The following MYOM1 variants were observed in gnomAD, a reference collection of about 807,000 sequenced individuals.
MYOM1 encodes the protein myomesin-1.
MYOM1 carries 164 observed loss-of-function variants against 205.3 expected under a neutral mutation model. The observed-to-expected ratio is 0.80, with a 90% CI of 0.70 to 0.91. MYOM1 has a LOEUF of 0.91. MYOM1 is among the 40% of genes least tolerant of loss of function. The pLI, the probability that MYOM1 is intolerant of heterozygous loss-of-function variation, is 0.00. For synonymous variants in MYOM1, 772 were observed against 789.4 expected (o/e 0.98, Z 0.37); for missense variants, 2,011 against 2,127.3 (o/e 0.95, Z 1.08).
chr18:3,182,405 C>T (rs2080748193), intron 5 of MYOM1, among the ~76,000 whole-genome samples: 2 of 152,174 alleles, frequency 1.3e-5, no homozygotes, highest in South Asian at 2.1e-4. Flanking sequence ...GCACGTTGTG[C>T]ACATGTACCC....
At chr18:3,167,751 A>G (rs921471170) in intron 9 of MYOM1, among the ~76,000 whole-genome samples, 2 of 152,212 alleles carry the variant, frequency 1.3e-5, no homozygotes, top group Non-Finnish European at 2.9e-5. Context: ...TTGTTTTGAT[A>G]GCTTCTTCAT....
At chr18:3,141,576 TAG>T (rs2080049891) in intron 14 of MYOM1, among the ~76,000 whole-genome samples, 1 of 152,050 alleles carries the variant, frequency 6.6e-6, no homozygotes, top group Admixed American at 6.5e-5. Context: ...GGAGGAGTGG[TAG>T]AGAGATGAAA....
intron 13 of MYOM1, among the ~76,000 whole-genome samples, chr18:3,146,276 C>T (rs953293833): frequency 1.3e-5 from 2 of 151,974 alleles, no homozygotes; most frequent in African/African-American, 4.8e-5. Context: ...AATACCAAAA[C>T]CAAACCAAGA....
chr18:3,067,674 G>A (rs1001888446), intron 37 of MYOM1, 119 bp from the exon 38 acceptor site: 42 of 1,064,216 alleles, frequency 3.9e-5, no homozygotes, highest in East Asian at 5.1e-5. Flanking sequence ...AAAGCCTCCC[G>A]GACCAGGGTT....
chr18:3,067,091 CAATT>C lies in MYOM1; in HGVS notation c.*167_*170del, dbSNP rs1187515887. 1.5e-5 allele frequency: 10 copies of C among 669,998 alleles called. No individual in the cohort carries two copies. The highest frequency in any genetic ancestry group is 9.1e-5 in the African/African-American group (5 of 54,998). 41.5% of individuals were successfully genotyped at this position (669,998 alleles called of 1,614,324 possible). A position where few individuals can be genotyped will look rare whatever the true frequency, so the allele number is the denominator to read the frequency against. ...ACATAATTTTGTAGATAAAGAAAAA[CAATT>C]AAAGTGTCATTAGTTGGTGCTTTTT... On this transcript the variant is annotated 3_prime_UTR_variant, in exon 38 of 38. Transcript: ENST00000356443.
chr18:3,184,275 G>A (rs999274064), intron 5 of MYOM1, among the ~76,000 whole-genome samples: 1 of 152,126 alleles, frequency 6.6e-6, no homozygotes, highest in Non-Finnish European at 1.5e-5. Context: ...ACTCCCAGAG[G>A]TGGATTTAAC....
chr18:3,212,937 C>T (rs528751618), intron 2 of MYOM1, among the ~76,000 whole-genome samples: 5 of 152,198 alleles, frequency 3.3e-5, no homozygotes, highest in Admixed American at 2.0e-4. Flanking sequence ...GAATATCCCA[C>T]GGCAGAATAT....
Position 3,162,791 on chromosome 18 carries a change from C to T in MYOM1, c.1501+1487G>A, listed in dbSNP as rs182564812. ...CTGTAATCCCAGCACTTTGGGAGAC[C>T]GAGACCGGTGGATCACGAGGTCAGG... On this transcript the variant is annotated intron_variant, in intron 10 of 37. Coordinates refer to ENST00000356443, the MANE Select transcript of MYOM1 (RefSeq NM_003803.4). Among the ~76,000 whole-genome samples the T allele has an allele frequency of 2.0e-3, 306 of 152,174 alleles. 1 individual carries two copies. The East Asian group carries it at 0.025, about 12-fold the overall frequency.
At position 3,129,461 on chromosome 18, in the gene MYOM1, G is replaced by C; in HGVS notation, c.2565C>G (p.Thr855=). ...PALSDEPGGL[T]ASRGRVHEAS... is the part of the protein sequence containing the mutation. ...CTTCATGCACGCGCCCCCTGGAGGCGGTTAGTCCACCAGGCTCATCGCTCA... is the reference window on the plus strand; with the variant it reads ...CTTCATGCACGCGCCCCCTGGAGGCCGTTAGTCCACCAGGCTCATCGCTCA... Residue 855 remains threonine, a synonymous_variant, in exon 18 of 38, where the codon ACC becomes ACG. Transcript: ENST00000356443. The C allele has an allele frequency of 1.9e-6, 3 of 1,613,914 alleles. No individual in the cohort carries two copies. The highest frequency in any genetic ancestry group is 2.5e-6 in the Non-Finnish European group (3 of 1,179,862).
chr18:3,236,861 C>A, the MYOM1 span, among the ~76,000 whole-genome samples: 4 of 151,934 alleles, frequency 2.6e-5, no homozygotes, highest in Admixed American at 2.6e-4. Flanking sequence ...ATGTGATTAG[C>A]GAAATTAGGA....
chr18:3,112,441 G>A (rs1348125661), intron 21 of MYOM1, 29 bp from the exon 22 acceptor site: 1 of 1,533,668 alleles, frequency 6.5e-7, no homozygotes, highest in South Asian at 1.2e-5. Flanking sequence ...GAAGCAATGG[G>A]TGTTTGATGA....
At chr18:3,147,225 C>A (rs1223206955) in intron 13 of MYOM1, among the ~76,000 whole-genome samples, 1 of 149,222 alleles carries the variant, frequency 6.7e-6, no homozygotes, top group Non-Finnish European at 1.5e-5. Context: ...AACAGAAAGG[C>A]AGTAAAGAAG....
At chr18:3,126,638 C>T (rs1029432770) in intron 19 of MYOM1, 63 bp downstream of exon 19, 2 of 1,461,540 alleles carry the variant, frequency 1.4e-6, no homozygotes, top group African/African-American at 1.4e-5. Context: ...GTGTGCCTGC[C>T]TGGGCGTGCA....
chr18:3,125,797 G>T (rs1399868430), intron 19 of MYOM1, among the ~76,000 whole-genome samples: 1 of 152,130 alleles, frequency 6.6e-6, no homozygotes, highest in Non-Finnish European at 1.5e-5. Flanking sequence ...GCAACAGTGA[G>T]ACTGTTCTGG....
chr18:3,126,626 G>T, intron 19 of MYOM1, 75 bp downstream of exon 19: 1 of 1,341,208 alleles, frequency 7.5e-7, no homozygotes, highest in Non-Finnish European at 1.0e-6. Flanking sequence ...AAGGTGCTGG[G>T]TGTGTGCCTG....
chr18:3,231,375 G>C, the MYOM1 span, among the ~76,000 whole-genome samples: 2 of 152,168 alleles, frequency 1.3e-5, no homozygotes, highest in Admixed American at 1.3e-4. Flanking sequence ...TGGGTGGCAG[G>C]GAGCAAACAA....
rs2080439231 is a variant in MYOM1, at chr18:3,164,361, T to C, written c.1418A>G (p.Asn473Ser). The C allele has an allele frequency of 3.7e-6, 6 of 1,612,148 alleles. No homozygotes were observed. Among genetic ancestry groups the C allele is most frequent in the South Asian group, 1.1e-5 (1 of 90,546 alleles). ...ERATLTFSHL[N>S]KEDEGLYTIR... is the part of the protein sequence containing the mutation. The stretch of plus-strand genomic sequence containing the variant: ...TGTATAGAGGCCTTCATCTTCTTTG[T>C]TGAGATGGGAAAATGTCAGCGTTGC... The change falls in exon 10 of 38, where the codon AAC becomes AGC. Residue 473 changes from asparagine to serine, a missense_variant. By Grantham distance (46) the Asn-to-Ser change is conservative (BLOSUM62 1). Coordinates refer to ENST00000356443, the MANE Select transcript of MYOM1 (RefSeq NM_003803.4).
intron 34 of MYOM1, among the ~76,000 whole-genome samples, chr18:3,076,511 C>G (rs1291103880): frequency 6.6e-6 from 1 of 152,054 alleles, no homozygotes; most frequent in East Asian, 1.9e-4. Context: ...TTCTGTTATG[C>G]TGTCTGGTCT....
intron 12 of MYOM1, 30 bp downstream of exon 12, chr18:3,151,664 G>A (rs771597584): frequency 1.3e-6 from 2 of 1,587,712 alleles, no homozygotes; most frequent in South Asian, 2.3e-5. Flanking sequence ...AAAGGTTTAG[G>A]GAAGGTCCTG....
Sources: gnomAD v4.1 joint callset for allele counts (sites outside exome capture counted in the v4.1 genomes callset) on GRCh38, gnomAD v4.1.1 for gene constraint, MANE v1.5 for transcripts, NCBI Gene and HGNC (gene_info 2026-07-23, HGNC 2026-07-21) for gene names.